The following KCNH8 variants were observed in gnomAD, a reference collection of about 807,000 sequenced individuals.
The protein encoded by KCNH8 is voltage-gated delayed rectifier potassium channel KCNH8.
In KCNH8, 70 loss-of-function variants were observed where a neutral mutation model predicts 103.6. That is an observed-to-expected ratio of 0.68 (90% CI 0.56 to 0.82). The LOEUF (loss-of-function observed/expected upper bound fraction) is 0.82, where lower values mean the gene tolerates loss of function less well. Among genes scored for constraint, KCNH8 ranks in the 40% least tolerant of loss-of-function variants. The pLI is 0.00. For synonymous variants in KCNH8, 498 were observed against 489.4 expected (o/e 1.02, Z -0.23); for missense variants, 1,217 against 1,329.9 (o/e 0.92, Z 1.32).
intron 11 of KCNH8, among the ~76,000 whole-genome samples, chr3:19,475,965 T>A (rs892928075): frequency 6.6e-6 from 1 of 152,200 alleles, no homozygotes; most frequent in African/African-American, 2.4e-5. Context: ...AGTACAATAC[T>A]GTAGTATAAG....
intron 7 of KCNH8, among the ~76,000 whole-genome samples, chr3:19,426,891 T>C (rs1455219769): frequency 6.6e-6 from 1 of 152,224 alleles, no homozygotes; most frequent in Non-Finnish European, 1.5e-5. Flanking sequence ...CTTCATGCAA[T>C]GTGTATCTTT....
At chr3:19,395,336 T>A (rs75433022) in intron 7 of KCNH8, 25 bp downstream of exon 7, 45,724 of 1,533,586 alleles carry the variant, frequency 0.03, 830 homozygotes, top group Middle Eastern at 0.066. Flanking sequence ...TTGTCACATT[T>A]TCCATTTTTT....
chr3:19,363,455 G>A (rs1055628499), intron 5 of KCNH8, among the ~76,000 whole-genome samples: 1 of 152,140 alleles, frequency 6.6e-6, no homozygotes, highest in Non-Finnish European at 1.5e-5. Context: ...ATTAGCTAAA[G>A]GCTTAATCAC....
At chr3:19,325,330 A>G (rs1245747755) in intron 3 of KCNH8, among the ~76,000 whole-genome samples, 1 of 152,186 alleles carries the variant, frequency 6.6e-6, no homozygotes, top group African/African-American at 2.4e-5. Flanking sequence ...AAATTGCAGC[A>G]ATGACAAATG....
intron 1 of KCNH8, among the ~76,000 whole-genome samples, chr3:19,191,769 A>G (rs1353564612): frequency 6.6e-6 from 1 of 151,616 alleles, no homozygotes; most frequent in Non-Finnish European, 1.5e-5. Context: ...ACTACTTTTT[A>G]TCAGGGTTCA....
chr3:19,350,103 T>G (rs1044573318), intron 5 of KCNH8, among the ~76,000 whole-genome samples: 6 of 152,156 alleles, frequency 3.9e-5, no homozygotes, highest in African/African-American at 1.4e-4. Context: ...TAAATGAGTT[T>G]AAGCATATCT....
intron 5 of KCNH8, among the ~76,000 whole-genome samples, chr3:19,365,000 A>G (rs1333135548): frequency 6.6e-6 from 1 of 152,126 alleles, no homozygotes; most frequent in Non-Finnish European, 1.5e-5. Context: ...ATAGCAATGG[A>G]TGTTTCCTTA....
chr3:19,174,268 G>C (rs932161128), intron 1 of KCNH8, among the ~76,000 whole-genome samples: 1 of 152,024 alleles, frequency 6.6e-6, no homozygotes, highest in Admixed American at 6.6e-5. Flanking sequence ...GCCTTAGAAA[G>C]CAACTGTATT....
In KCNH8 at chr3:19,148,572, C is replaced by T. The variant is rs147657591; in HGVS notation, c.-148C>T. ...GAACTCTCTCCCTTTCTCCCTCCAT[C>T]CTTCCACTTCCCCTGCTCGGCCCCG... On this transcript the variant is annotated 5_prime_UTR_variant, in exon 1 of 16. Coordinates refer to ENST00000328405, the MANE Select transcript of KCNH8 (RefSeq NM_144633.3). The T allele has an allele frequency of 8.1e-3, 5,969 of 736,296 alleles. 27 individuals carry two copies. The highest frequency in any genetic ancestry group is 0.011 in the Admixed American group (532 of 48,142). The allele number at this position is 736,296 out of a possible 1,614,324, so 45.6% of individuals were successfully genotyped here.
chr3:19,498,310 G>A (rs745495286), intron 11 of KCNH8, among the ~76,000 whole-genome samples: 1 of 152,092 alleles, frequency 6.6e-6, no homozygotes, highest in Non-Finnish European at 1.5e-5. Flanking sequence ...AGATTTCTTT[G>A]TATGGCTGCT....
chr3:19,510,104 T>A (rs527596844), intron 11 of KCNH8, among the ~76,000 whole-genome samples: 1 of 152,284 alleles, frequency 6.6e-6, no homozygotes, highest in East Asian at 1.9e-4. Flanking sequence ...GTGGTAGACA[T>A]TCAACTTGGT....
At chr3:19,243,868 T>C (rs76538491) in intron 1 of KCNH8, among the ~76,000 whole-genome samples, 16,317 of 152,148 alleles carry the variant, frequency 0.11, 2,889 homozygotes, top group African/African-American at 0.37. Context: ...ACTGTGCTTC[T>C]GGAGAATCAG....
chr3:19,281,332 T>G lies in KCNH8; in HGVS notation c.442+3T>G, dbSNP rs777880638. 5.0e-6 allele frequency: 8 copies of G among 1,584,276 alleles called. No homozygotes were observed. Among genetic ancestry groups the G allele is most frequent in the South Asian group, 4.7e-5 (4 of 85,116 alleles). On this transcript the variant is annotated splice_donor_region_variant and intron_variant, in intron 3 of 15. Coordinates refer to ENST00000328405, the MANE Select transcript of KCNH8 (RefSeq NM_144633.3). ...TACTCCAGAAGATAAAAAAGAAGGT[T>G]TGTACCGTTTTCAGAAAACATTGAC...
chr3:19,269,240 A>G (rs573669637), intron 2 of KCNH8, among the ~76,000 whole-genome samples: 173 of 152,202 alleles, frequency 1.1e-3, no homozygotes, highest in African/African-American at 4.0e-3. Context: ...ATCACTGGAG[A>G]GCTCATATCC....
intron 7 of KCNH8, among the ~76,000 whole-genome samples, chr3:19,437,884 T>A (rs2067224303): frequency 6.6e-6 from 1 of 152,182 alleles, no homozygotes; most frequent in South Asian, 2.1e-4. Flanking sequence ...ATCCCTGCAG[T>A]TTGTTTCTTG....
At chr3:19,317,051 T>C (rs2065283976) in intron 3 of KCNH8, among the ~76,000 whole-genome samples, 1 of 151,938 alleles carries the variant, frequency 6.6e-6, no homozygotes, top group African/African-American at 2.4e-5. Context: ...GATTTATTCA[T>C]AGATAATCTG....
chr3:19,533,368 G>A (rs1317150653), intron 15 of KCNH8, 27 bp from the exon 16 acceptor site: 1 of 1,464,842 alleles, frequency 6.8e-7, no homozygotes, highest in South Asian at 1.1e-5. Context: ...TCTAACTATT[G>A]TCTTTCACTT....
In KCNH8 at chr3:19,473,023, G is replaced by A. The variant is rs536471429; in HGVS notation, c.2040+16041G>A. 1.9e-4 allele frequency among the ~76,000 whole-genome samples: 29 copies of A among 152,126 alleles called. No homozygotes were observed. The South Asian group carries it at 4.6e-3, about 24-fold the overall frequency. On this transcript the variant is annotated intron_variant, in intron 11 of 15. Coordinates refer to ENST00000328405, the MANE Select transcript of KCNH8 (RefSeq NM_144633.3). ...ATCCTTGCATTGTTTCTGGGAGTTC[G>A]GATTATTTTTTGGCTTCCCAAACAA... is the stretch of plus-strand genomic sequence containing the variant.
At chr3:19,208,262 A>G (rs2063736254) in intron 1 of KCNH8, among the ~76,000 whole-genome samples, 1 of 152,090 alleles carries the variant, frequency 6.6e-6, no homozygotes, top group South Asian at 2.1e-4. Context: ...TGTTTTATTC[A>G]TAAGAAGATA....
Sources: allele counts gnomAD v4.1 joint callset (sites outside exome capture counted in the v4.1 genomes callset), GRCh38; gene constraint gnomAD v4.1.1; transcripts MANE v1.5; gene names NCBI Gene and HGNC (gene_info 2026-07-23, HGNC 2026-07-21).